The following ZNF474 variants were observed in gnomAD, a reference collection of about 807,000 sequenced individuals.
ZNF474 encodes the protein 4933409D10Rik.
For missense variants in ZNF474, 511 were observed against 433.8 expected (o/e 1.18, Z -1.58); for synonymous variants, 192 against 162.2 (o/e 1.18, Z -1.39).
At chr5:122,149,672 T>C (rs1429903679) in intron 1 of ZNF474, among the ~76,000 whole-genome samples, 2 of 152,240 alleles carry the variant, frequency 1.3e-5, no homozygotes, top group Non-Finnish European at 2.9e-5. Flanking sequence ...AGTCAGTTTC[T>C]TTACTTATAA....
intron 1 of ZNF474, among the ~76,000 whole-genome samples, chr5:122,137,616 C>T (rs975055066): frequency 6.6e-6 from 1 of 152,014 alleles, no homozygotes; most frequent in African/African-American, 2.4e-5. Flanking sequence ...GTCCCTCCCC[C>T]AGTCTACCCC....
intron 1 of ZNF474, among the ~76,000 whole-genome samples, chr5:122,139,754 C>T (rs574067438): frequency 1.4e-4 from 22 of 152,176 alleles, no homozygotes; most frequent in African/African-American, 5.3e-4. Flanking sequence ...TTGTTAATGC[C>T]TGTTGAAAAG....
At position 122,152,006 on chromosome 5, in the gene ZNF474, A is replaced by C. The variant is rs1359187214; in HGVS notation, c.16A>C (p.Lys6Gln). The C allele has an allele frequency of 6.2e-7, 1 of 1,609,538 alleles. No individual in the cohort carries two copies. ...ATCTTTGTTAATGGAAAGAGGAAAG[A>C]AGAAAAGAATTTCCAATAAGTTACA... is the stretch of plus-strand genomic sequence containing the variant. MERGK[K>Q]KRISNKLQQT... The change falls in exon 2 of 2, where the codon AAG becomes CAG. Residue 6 changes from lysine to glutamine, a missense_variant. Physicochemically the swap from Lys to Gln is moderately conservative, Grantham distance 53. Coordinates refer to ENST00000296600, the MANE Select transcript of ZNF474 (RefSeq NM_207317.3).
chr5:122,141,152 T>TTTATTTTA (rs1755832700), intron 1 of ZNF474, among the ~76,000 whole-genome samples: 1 of 55,226 alleles, frequency 1.8e-5, no homozygotes, highest in African/African-American at 3.8e-5. Context: ...TTTATTTTAT[T>TTTATTTTA]TTATTTTATT....
At chr5:122,140,140 C>A (rs1755800465) in intron 1 of ZNF474, among the ~76,000 whole-genome samples, 1 of 152,156 alleles carries the variant, frequency 6.6e-6, no homozygotes, top group Admixed American at 6.5e-5. Flanking sequence ...AATGTTTTGT[C>A]CCTTCCAAAA....
In ZNF474 at chr5:122,149,920, T is replaced by C. The variant is rs146591858; in HGVS notation, c.-212-1859T>C. On this transcript the variant is annotated intron_variant, in intron 1 of 1. Transcript: ENST00000296600. ...GTGTGTGTGTGTGTGTGTGCGCGCG[T>C]GAGAGAGAGAGAGAGAGAGAGGGAG... Among the ~76,000 whole-genome samples, 33 of 134,008 alleles carry C rather than the reference T, an allele frequency of 2.5e-4. 1 individual carries two copies. The Admixed American group carries it at 2.5e-3, about 10-fold the overall frequency. The allele number at this position is 134,008 out of a possible 152,430, so 87.9% of individuals were successfully genotyped here.
chr5:122,137,878 T>A (rs1357992378), intron 1 of ZNF474, among the ~76,000 whole-genome samples: 1 of 152,206 alleles, frequency 6.6e-6, no homozygotes, highest in Non-Finnish European at 1.5e-5. Flanking sequence ...AAAGGATAGA[T>A]GAGGGTTGAG....
In ZNF474 at chr5:122,152,041, T is replaced by C. The variant is rs1200197241; in HGVS notation, c.51T>C (p.Phe17=). 28 of 1,613,146 alleles carry C rather than the reference T, an allele frequency of 1.7e-5. No homozygotes were observed. The highest frequency in any genetic ancestry group is 2.4e-5 in the Non-Finnish European group (28 of 1,179,856). The change falls in exon 2 of 2, where the codon TTT becomes TTC. Residue 17 remains phenylalanine, a synonymous_variant. Coordinates refer to ENST00000296600, the MANE Select transcript of ZNF474 (RefSeq NM_207317.3). ...KRISNKLQQT[F]HHSKEPTFLI... is the part of the protein sequence containing the mutation. ...TTTCCAATAAGTTACAACAAACTTT[T>C]CACCATTCTAAAGAACCCACTTTCC...
chr5:122,138,635 A>G (rs973179561), intron 1 of ZNF474, among the ~76,000 whole-genome samples: 2 of 152,376 alleles, frequency 1.3e-5, no homozygotes, highest in African/African-American at 2.4e-5. Flanking sequence ...ACAATCCAGC[A>G]TATCATCACT....
intron 1 of ZNF474, among the ~76,000 whole-genome samples, chr5:122,136,881 A>G (rs1390453275): frequency 6.6e-6 from 1 of 152,228 alleles, no homozygotes. Flanking sequence ...AGCTAGGTCA[A>G]CATTAAATTT....
At chr5:122,150,767 T>A (rs1756147708) in intron 1 of ZNF474, among the ~76,000 whole-genome samples, 1 of 152,206 alleles carries the variant, frequency 6.6e-6, no homozygotes, top group African/African-American at 2.4e-5. Flanking sequence ...TGCCACTTCT[T>A]CTGGTGGGGA....
Position 122,152,418 on chromosome 5 carries a change from G to A in ZNF474, c.428G>A (p.Ser143Asn). The change falls in exon 2 of 2, where the codon AGC becomes AAC. Residue 143 changes from serine (S) to asparagine (N), a missense_variant. Coordinates refer to ENST00000296600, the MANE Select transcript of ZNF474 (RefSeq NM_207317.3). ...GAACCCTCCAAACCACAGTCTCTCA[G>A]CAGCAGTGGGTCCTACAGTCTTCAG... ...RPEPSKPQSL[S>N]SSGSYSLQAT... 1 of 1,614,190 alleles carries A rather than the reference G, an allele frequency of 6.2e-7. No homozygotes were observed. The highest frequency in any genetic ancestry group is 1.7e-5 in the Admixed American group (1 of 60,030).
chr5:122,139,657 G>T (rs971370170), intron 1 of ZNF474, among the ~76,000 whole-genome samples: 2 of 152,190 alleles, frequency 1.3e-5, no homozygotes, highest in Non-Finnish European at 2.9e-5. Flanking sequence ...GGAACATGAT[G>T]ATGTGAACAA....
intron 1 of ZNF474, chr5:122,148,041 T>C (rs1756036643): frequency 6.6e-6 from 1 of 152,262 alleles, no homozygotes; most frequent in Non-Finnish European, 1.5e-5. Flanking sequence ...GTGGTTCTCT[T>C]TATAAACTAG....
chr5:122,141,482 T>A (rs1052357409), intron 1 of ZNF474, among the ~76,000 whole-genome samples: 2 of 152,042 alleles, frequency 1.3e-5, no homozygotes, highest in East Asian at 3.9e-4. Flanking sequence ...CTAATTTTTG[T>A]ATTTTTAGTA....
intron 1 of ZNF474, among the ~76,000 whole-genome samples, chr5:122,136,833 G>A (rs1755713888): frequency 1.3e-5 from 2 of 151,952 alleles, no homozygotes; most frequent in Admixed American, 1.3e-4. Flanking sequence ...CTTCAGTTTT[G>A]TTTAAAAATT....
At chr5:122,150,257 T>C (rs555682588) in intron 1 of ZNF474, among the ~76,000 whole-genome samples, 27 of 152,344 alleles carry the variant, frequency 1.8e-4, no homozygotes, top group African/African-American at 6.0e-4. Context: ...TTTTATTTTC[T>C]ATGCTGGCCA....
At chr5:122,133,807 C>T (rs764768419) in intron 1 of ZNF474, among the ~76,000 whole-genome samples, 2 of 152,176 alleles carry the variant, frequency 1.3e-5, no homozygotes, top group Non-Finnish European at 2.9e-5. Context: ...GCAATCCTCC[C>T]ACCCTGGTTC....
rs1396056534 is a variant in ZNF474, at chr5:122,142,256, G to A, written c.-212-9523G>A. ...CACAGAAGATGGGAAAAAAGACCCTGTTGAAAACACAAGAAAGATAGGACA... is the reference window on the plus strand; with the variant it reads ...CACAGAAGATGGGAAAAAAGACCCTATTGAAAACACAAGAAAGATAGGACA... On this transcript the variant is annotated intron_variant, in intron 1 of 1. Transcript: ENST00000296600. 2.0e-5 allele frequency among the ~76,000 whole-genome samples: 3 copies of A among 152,198 alleles called. 1 individual carries two copies. Among genetic ancestry groups the A allele is most frequent in the African/African-American group, 7.2e-5 (3 of 41,460 alleles).
Sources: allele counts gnomAD v4.1 joint callset (sites outside exome capture counted in the v4.1 genomes callset), GRCh38; gene constraint gnomAD v4.1.1; transcripts MANE v1.5; gene names NCBI Gene and HGNC (gene_info 2026-07-23, HGNC 2026-07-21).